RARRES1: variants seen among roughly 807,000 people sequenced by gnomAD.
The protein encoded by RARRES1 is retinoic acid receptor responder protein 1.
Under a neutral mutation model 30.6 loss-of-function variants are expected in RARRES1, and 34 were observed. That is an observed-to-expected ratio of 1.11 (90% CI 0.84 to 1.48). RARRES1 has a LOEUF of 1.48. RARRES1 is among the 40% of genes most tolerant of loss of function. RARRES1 has a pLI of 0.00. For synonymous variants in RARRES1, 153 were observed against 155.5 expected (o/e 0.98, Z 0.12); for missense variants, 373 against 386.5 (o/e 0.97, Z 0.29).
chr3:158,720,271 TGTGA>T (rs1323133657), intron 1 of RARRES1, among the ~76,000 whole-genome samples: 22 of 148,792 alleles, frequency 1.5e-4, no homozygotes, highest in African/African-American at 1.0e-4. Flanking sequence ...TGTGTATGTG[TGTGA>T]GAGAGAGAGA....
intron 3 of RARRES1, among the ~76,000 whole-genome samples, chr3:158,706,765 C>T (rs1337401283): frequency 6.6e-6 from 1 of 152,114 alleles, no homozygotes; most frequent in East Asian, 1.9e-4. Context: ...ATAGTAATAC[C>T]ATTAAATGTA....
chr3:158,698,911 A>G (rs557634518), intron 4 of RARRES1, among the ~76,000 whole-genome samples: 6 of 152,184 alleles, frequency 3.9e-5, no homozygotes, highest in African/African-American at 9.6e-5. Flanking sequence ...TGGAATCATA[A>G]CTTTTACCTT....
At chr3:158,719,955 T>C (rs1727450172) in intron 1 of RARRES1, among the ~76,000 whole-genome samples, 1 of 152,198 alleles carries the variant, frequency 6.6e-6, no homozygotes, top group South Asian at 2.1e-4. Flanking sequence ...GATTACGTGT[T>C]GTACTCTTAC....
rs1476489914 is a variant in RARRES1, at chr3:158,705,326, A to G, written c.536-399T>C. 2.0e-5 allele frequency among the ~76,000 whole-genome samples: 3 copies of G among 152,306 alleles called. No homozygotes were observed. In the East Asian group the frequency reaches 5.8e-4, roughly 29 times the overall value. ...GCCACAGTCTGCTACCAAATCTCTCAGATTTCAGTCTCCTTCTTCCAACTG... is the reference window on the plus strand; with the variant it reads ...GCCACAGTCTGCTACCAAATCTCTCGGATTTCAGTCTCCTTCTTCCAACTG... On this transcript the variant is annotated intron_variant, in intron 3 of 5. Coordinates refer to ENST00000237696, the MANE Select transcript of RARRES1 (RefSeq NM_206963.2).
chr3:158,727,406 A>G (rs1428464390), intron 1 of RARRES1, among the ~76,000 whole-genome samples: 1 of 152,206 alleles, frequency 6.6e-6, no homozygotes, highest in African/African-American at 2.4e-5. Flanking sequence ...TAAGTGGCCA[A>G]TTCCTAAACA....
At position 158,732,143 on chromosome 3, in the gene RARRES1, C is replaced by A; in HGVS notation, c.273G>T (p.Ala91=). ...CGGCGCGTCGCTCCGCACTCACCCACGCGCGGCCCTCCTGCACCTCGGCCA... is the reference window on the plus strand; with the variant it reads ...CGGCGCGTCGCTCCGCACTCACCCAAGCGCGGCCCTCCTGCACCTCGGCCA... ...RVLAEVQEGR[A]WINPKEGCKV... Residue 91 remains alanine (A), a synonymous_variant, in exon 1 of 6, where the codon GCG becomes GCT. Transcript: ENST00000237696. 1 of 1,376,562 alleles carries A rather than the reference C, an allele frequency of 7.3e-7. No individual in the cohort carries two copies. Among genetic ancestry groups the A allele is most frequent in the Non-Finnish European group, 9.3e-7 (1 of 1,072,868 alleles). The allele number at this position is 1,376,562 out of a possible 1,614,324, so 85.3% of individuals were successfully genotyped here.
intron 1 of RARRES1, among the ~76,000 whole-genome samples, chr3:158,728,502 G>C (rs1473887996): frequency 1.9e-5 from 2 of 107,204 alleles, no homozygotes; most frequent in South Asian, 7.0e-4. Context: ...ATCAATCGTG[G>C]TTTCTTTTTC....
chr3:158,725,187 G>A (rs2108153084), intron 1 of RARRES1, among the ~76,000 whole-genome samples: 1 of 152,302 alleles, frequency 6.6e-6, no homozygotes, highest in East Asian at 1.9e-4. Context: ...TAGCAAGTCA[G>A]CCAGAGTGGA....
At chr3:158,717,945 A>G (rs1727377142) in intron 1 of RARRES1, among the ~76,000 whole-genome samples, 1 of 152,022 alleles carries the variant, frequency 6.6e-6, no homozygotes, top group Non-Finnish European at 1.5e-5. Flanking sequence ...ATTCAAGATC[A>G]GAAATCATCA....
At chr3:158,714,062 C>T (rs945671503) in intron 1 of RARRES1, among the ~76,000 whole-genome samples, 1 of 152,016 alleles carries the variant, frequency 6.6e-6, no homozygotes, top group Non-Finnish European at 1.5e-5. Context: ...CACCTACTCA[C>T]AAAGAGGGAG....
rs1203391169 is a variant in RARRES1 at position 158,704,799 on chromosome 3, T to C, written c.664A>G (p.Arg222Gly). 1.9e-6 allele frequency: 3 copies of C among 1,612,420 alleles called. No homozygotes were observed. Among genetic ancestry groups the C allele is most frequent in the Non-Finnish European group, 2.5e-6 (3 of 1,179,534 alleles). Residue 222 changes from arginine to glycine, a missense_variant, in exon 4 of 6, where the codon AGG becomes GGG. Arg to Gly is a moderately radical substitution (Grantham distance 125). Transcript: ENST00000237696. ...TTTCAGGTTTTTCTTACCCACTGCC[T>C]CACACTAGTGAGCTGTGCCAAGTAG... ...HYYLAQLTSV[R>G]QWKTNDDTID...
chr3:158,698,126 G>A (rs1282184783), intron 4 of RARRES1, 156 bp from the exon 5 acceptor site: 1 of 591,492 alleles, frequency 1.7e-6, no homozygotes, highest in African/African-American at 1.9e-5. Context: ...TCAAGATATG[G>A]AAGTCATGGA....
chr3:158,728,516 C>CTTT (rs755791546), intron 1 of RARRES1, among the ~76,000 whole-genome samples: 6,690 of 133,480 alleles, frequency 0.05, 117 homozygotes, highest in East Asian at 0.087. Flanking sequence ...CTTTTTCTTT[C>CTTT]TTTTTTTTTT....
intron 1 of RARRES1, among the ~76,000 whole-genome samples, chr3:158,718,065 G>A (rs1297571844): frequency 1.3e-5 from 2 of 149,496 alleles, no homozygotes; most frequent in East Asian, 2.0e-4. Context: ...TGCAACCTCC[G>A]CCTCCTGGGT....
At chr3:158,722,235 G>A (rs1157776648) in intron 1 of RARRES1, among the ~76,000 whole-genome samples, 1 of 152,072 alleles carries the variant, frequency 6.6e-6, no homozygotes, top group African/African-American at 2.4e-5. Context: ...GCACCAAGAA[G>A]TTAAAACTGT....
chr3:158,714,029 T>C (rs957807990), intron 1 of RARRES1, among the ~76,000 whole-genome samples, 170 bp from the exon 2 acceptor site: 11 of 152,070 alleles, frequency 7.2e-5, no homozygotes, highest in Non-Finnish European at 1.6e-4. Context: ...GTTCTGATTG[T>C]GCCATTCTGC....
rs550187196 is a variant in RARRES1 at position 158,732,435 on chromosome 3, C to T, written c.-20G>A. 2.6e-6 allele frequency: 4 copies of T among 1,516,860 alleles called. No homozygotes were observed. The highest frequency in any genetic ancestry group is 2.0e-5 in the Admixed American group (1 of 50,012). 94.0% of individuals were successfully genotyped at this position (1,516,860 alleles called of 1,614,324 possible). Reference sequence around the variant, plus strand: ...CTGCATGGACGCAGGAAAGTTGGCTCGGCACCCGACAGACACGGGCTCGGA... The same window carrying T: ...CTGCATGGACGCAGGAAAGTTGGCTTGGCACCCGACAGACACGGGCTCGGA... On this transcript the variant is annotated 5_prime_UTR_variant, in exon 1 of 6. Coordinates refer to ENST00000237696, the MANE Select transcript of RARRES1 (RefSeq NM_206963.2).
At chr3:158,716,655 C>T (rs1727331998) in intron 1 of RARRES1, among the ~76,000 whole-genome samples, 1 of 151,440 alleles carries the variant, frequency 6.6e-6, no homozygotes. Context: ...ACGATCTCGG[C>T]TCACTGCAAC....
At chr3:158,713,964 A>G (rs1316916109) in intron 1 of RARRES1, 105 bp from the exon 2 acceptor site, 3 of 1,034,688 alleles carry the variant, frequency 2.9e-6, no homozygotes, top group Non-Finnish European at 4.4e-6. Flanking sequence ...TGGTGGCTGT[A>G]GCATTTATAC....
Sources: gnomAD v4.1 joint callset for allele counts (sites outside exome capture counted in the v4.1 genomes callset) on GRCh38, gnomAD v4.1.1 for gene constraint, MANE v1.5 for transcripts, NCBI Gene and HGNC (gene_info 2026-07-23, HGNC 2026-07-21) for gene names.